The following PIEZO2 variants were observed in gnomAD, a reference collection of about 807,000 sequenced individuals.
PIEZO2 encodes the protein piezo type mechanosensitive ion channel component 2.
In PIEZO2, 172 loss-of-function variants were observed where a neutral mutation model predicts 337.3. The ratio of observed to expected loss-of-function variants is 0.51; its 90% CI spans 0.45 to 0.58. The LOEUF is 0.58. Ranked by LOEUF, PIEZO2 falls within the 20% of genes least tolerant of loss-of-function variation. The pLI is 0.00. For missense variants in PIEZO2, 3,028 were observed against 3,391.3 expected, an observed-to-expected ratio of 0.89 and a Z score of 2.66; for synonymous variants, 1,251 against 1,228.5, an observed-to-expected ratio of 1.02 and a Z score of -0.38.
Position 10,748,529 on chromosome 18 carries a change from T to C in PIEZO2, c.4366A>G (p.Ser1456Gly). Residue 1456 changes from serine (S) to glycine (G), a missense_variant, in exon 30 of 56, where the codon AGT becomes GGT. By Grantham distance (56) the Ser-to-Gly change is moderately conservative (BLOSUM62 0). Around this residue, in one of 5 missense-constraint regions of PIEZO2, gnomAD observed 1,925 missense variants for 2,051.9 expected, o/e 0.94. Coordinates refer to ENST00000674853, the MANE Select transcript of PIEZO2 (RefSeq NM_001378183.1). The surrounding 1 kb of genome is among the most constrained non-coding windows in gnomAD (Gnocchi z 5.1). ...FLLLQRRVFM[S>G]YYFLHVVADI... Reference sequence around the variant, plus strand: ...GCCACAACATGTAGAAAATAATAACTCATGAAAACTCTTCTTTGCAGCAGG... The same window carrying C: ...GCCACAACATGTAGAAAATAATAACCCATGAAAACTCTTCTTTGCAGCAGG... The C allele has an allele frequency of 1.3e-6, 2 of 1,536,540 alleles. No individual in the cohort carries two copies. The highest frequency in any genetic ancestry group is 1.7e-6 in the Non-Finnish European group (2 of 1,146,720).
intron 2 of PIEZO2, among the ~76,000 whole-genome samples, chr18:10,995,815 G>A (rs992055302): frequency 2.0e-5 from 3 of 152,044 alleles, no homozygotes; most frequent in Non-Finnish European, 4.4e-5. Flanking sequence ...TTCTCTGCTT[G>A]CCCTGGACTC....
At chr18:10,778,100 C>T (rs944757969) in intron 18 of PIEZO2, among the ~76,000 whole-genome samples, 2 of 152,142 alleles carry the variant, frequency 1.3e-5, no homozygotes, top group Non-Finnish European at 2.9e-5. Context: ...AGGTATGCCC[C>T]TCTTTCAGCC....
chr18:10,749,355 C>A (rs1046458925), intron 29 of PIEZO2, among the ~76,000 whole-genome samples: 2 of 152,060 alleles, frequency 1.3e-5, no homozygotes, highest in African/African-American at 2.4e-5. Context: ...CCCAGCTACT[C>A]AGGAGGCAGA....
chr18:10,750,150 T>C lies in PIEZO2; in HGVS notation c.4205A>G (p.Asn1402Ser). Reference sequence around the variant, plus strand: ...GAAAGCCTGGATCAACCAACAACTATTGTGCACCAATGTTCCAATGTATCC... The same window carrying C: ...GAAAGCCTGGATCAACCAACAACTACTGTGCACCAATGTTCCAATGTATCC... ...ACGYIGTLVH[N>S]SCWLIQAFSL... The change falls in exon 29 of 56, where the codon AAT becomes AGT. Residue 1402 changes from asparagine (N) to serine (S), a missense_variant. By Grantham distance (46) the Asn-to-Ser change is conservative (BLOSUM62 1). Around this residue, in one of 5 missense-constraint regions of PIEZO2, gnomAD observed 1,925 missense variants for 2,051.9 expected, o/e 0.94. Transcript: ENST00000674853. This position sits in a 1 kb window ranked among gnomAD's most constrained non-coding sequence, Gnocchi z 4.1. The C allele has an allele frequency of 6.5e-7, 1 of 1,537,178 alleles. No homozygotes were observed. The highest frequency in any genetic ancestry group is 8.7e-7 in the Non-Finnish European group (1 of 1,146,850).
At position 10,803,981 on chromosome 18, in the gene PIEZO2, C is replaced by T. The variant is rs2144299608; in HGVS notation, c.1094G>A (p.Gly365Glu). 1 of 1,537,366 alleles carries T rather than the reference C, an allele frequency of 6.5e-7. No individual in the cohort carries two copies. Among genetic ancestry groups the T allele is most frequent in the East Asian group, 2.4e-5 (1 of 40,922 alleles). The change falls in exon 9 of 56, where the codon GGG (glycine) becomes GAG (glutamate). Residue 365 changes from glycine (G) to glutamate (E), a missense_variant. This residue lies in a region of PIEZO2 where 542 missense variants were observed against 605.6 expected (regional missense o/e 0.89). Coordinates refer to ENST00000674853, the MANE Select transcript of PIEZO2 (RefSeq NM_001378183.1). Reference sequence around the variant, plus strand: ...CAGGGCTTTGTCCTCTTCTTTGGTCCCCTCATCCTGCACCTGAAACACAGA... The same window carrying T: ...CAGGGCTTTGTCCTCTTCTTTGGTCTCCTCATCCTGCACCTGAAACACAGA... The part of the protein sequence containing the change: ...WLQEPLVQDE[G>E]TKEEDKALAC...
rs186751623 is a variant in PIEZO2 at position 10,870,277 on chromosome 18, C to T, written c.492+976G>A. Among the ~76,000 whole-genome samples the T allele has an allele frequency of 6.6e-6, 1 of 152,190 alleles. No homozygotes were observed. Among genetic ancestry groups the T allele is most frequent in the East Asian group, 1.9e-4 (1 of 5,186 alleles). ...GGAAATTGTCTGCTTTCTTGTGAAC[C>T]ATATAAATCATTTTCCATAAGTGAG... On this transcript the variant is annotated intron_variant, in intron 5 of 55. Coordinates refer to ENST00000674853, the MANE Select transcript of PIEZO2 (RefSeq NM_001378183.1). The surrounding 1 kb of genome is among the most constrained non-coding windows in gnomAD (Gnocchi z 5.3).
chr18:10,846,422 A>G lies in PIEZO2; in HGVS notation c.917+8931T>C, dbSNP rs2041365382. 6.6e-6 allele frequency among the ~76,000 whole-genome samples: 1 copy of G among 152,380 alleles called. No individual in the cohort carries two copies. Among genetic ancestry groups the G allele is most frequent in the Non-Finnish European group, 1.5e-5 (1 of 68,038 alleles). On this transcript the variant is annotated intron_variant, in intron 7 of 55. Coordinates refer to ENST00000674853, the MANE Select transcript of PIEZO2 (RefSeq NM_001378183.1). The surrounding 1 kb of genome is among the most constrained non-coding windows in gnomAD (Gnocchi z 4.1). ...GGGGTCATAGCAAAACCTATCACTTAGAGTTCAAGAAAATCAAGTTTTACA... is the reference window on the plus strand; with the variant it reads ...GGGGTCATAGCAAAACCTATCACTTGGAGTTCAAGAAAATCAAGTTTTACA...
In PIEZO2 at chr18:10,693,515, G is replaced by A. The variant is rs144865265; in HGVS notation, c.7191-2132C>T. 2.9e-3 allele frequency among the ~76,000 whole-genome samples: 430 copies of A among 149,402 alleles called. 1 individual carries two copies. Among genetic ancestry groups the A allele is most frequent in the Non-Finnish European group, 4.7e-3 (319 of 67,398 alleles). On this transcript the variant is annotated intron_variant, in intron 47 of 55. Transcript: ENST00000674853. Reference sequence around the variant, plus strand: ...CTCCTGAGTAGCTGGGACTATAGGCGCGCGACACCACATAAGGCATTTTTT... The same window carrying A: ...CTCCTGAGTAGCTGGGACTATAGGCACGCGACACCACATAAGGCATTTTTT...
chr18:10,684,328 G>A (rs956066387), intron 49 of PIEZO2, among the ~76,000 whole-genome samples: 2 of 8,696 alleles, frequency 2.3e-4, no homozygotes, highest in Non-Finnish European at 1.1e-3. Context: ...ACCATGCCTG[G>A]CTAATTTTTT....
chr18:10,966,672 T>C (rs2034012078), intron 3 of PIEZO2, among the ~76,000 whole-genome samples: 1 of 152,156 alleles, frequency 6.6e-6, no homozygotes, highest in African/African-American at 2.4e-5. Context: ...TTTGGTTACA[T>C]GAATAAGTTC....
At chr18:10,709,475 G>A (rs2035728820) in intron 39 of PIEZO2, 1 of 152,296 alleles carries the variant, frequency 6.6e-6, no homozygotes, top group Non-Finnish European at 1.5e-5. Flanking sequence ...CCAGGGAACA[G>A]AAACAGATCT....
chr18:10,865,013 C>A (rs1216580228), intron 5 of PIEZO2, among the ~76,000 whole-genome samples: 1 of 152,096 alleles, frequency 6.6e-6, no homozygotes, highest in African/African-American at 2.4e-5. Flanking sequence ...ACAGCAGAGT[C>A]CAGAAGGACA....
At position 10,861,862 on chromosome 18, in the gene PIEZO2, A is replaced by C. The variant is rs2041882506; in HGVS notation, c.493-4651T>G. 6.6e-6 allele frequency among the ~76,000 whole-genome samples: 1 copy of C among 152,154 alleles called. No individual in the cohort carries two copies. Among genetic ancestry groups the C allele is most frequent in the Admixed American group, 6.5e-5 (1 of 15,282 alleles). On this transcript the variant is annotated intron_variant, in intron 5 of 55. Transcript: ENST00000674853. This position sits in a 1 kb window ranked among gnomAD's most constrained non-coding sequence, Gnocchi z 4.3. The stretch of plus-strand genomic sequence containing the variant: ...GTGAAACCTTGTCTGTACTAAAACT[A>C]CAAAAATTAGCTGGGCATGGTGGCG...
chr18:11,141,214 A>T (rs2040634747), intron 1 of PIEZO2, among the ~76,000 whole-genome samples: 1 of 152,182 alleles, frequency 6.6e-6, no homozygotes, highest in East Asian at 1.9e-4. Flanking sequence ...CCTTCTATCA[A>T]CTGGAGAAAA....
chr18:11,030,420 C>G (rs2036688564), intron 2 of PIEZO2, among the ~76,000 whole-genome samples: 1 of 152,146 alleles, frequency 6.6e-6, no homozygotes, highest in African/African-American at 2.4e-5. Context: ...GTAAGGGTCC[C>G]TAGTACTCCC....
intron 1 of PIEZO2, among the ~76,000 whole-genome samples, chr18:11,084,656 G>T (rs960658769): frequency 6.6e-6 from 1 of 152,058 alleles, no homozygotes; most frequent in East Asian, 1.9e-4. Flanking sequence ...GCTTTTGTTT[G>T]CTATTTTCTT....
At chr18:11,045,483 A>G (rs2037278654) in intron 2 of PIEZO2, among the ~76,000 whole-genome samples, 1 of 152,100 alleles carries the variant, frequency 6.6e-6, no homozygotes. Flanking sequence ...GCACTTCAGC[A>G]CCATGCATGG....
intron 4 of PIEZO2, among the ~76,000 whole-genome samples, chr18:10,898,425 A>C (rs1345008593): frequency 6.6e-6 from 1 of 152,174 alleles, no homozygotes; most frequent in Non-Finnish European, 1.5e-5. Flanking sequence ...CGTCTCAAAA[A>C]AAAAAAGGAA....
intron 36 of PIEZO2, among the ~76,000 whole-genome samples, chr18:10,721,221 G>A (rs1035675071): frequency 1.3e-5 from 2 of 152,176 alleles, no homozygotes; most frequent in African/African-American, 4.8e-5. Flanking sequence ...TTGCTCCTCT[G>A]TAGAGCAGGG....
Sources: allele counts gnomAD v4.1 joint callset (sites outside exome capture counted in the v4.1 genomes callset), GRCh38; gene constraint gnomAD v4.1.1; regional missense constraint gnomAD v4.1.1; non-coding constraint Gnocchi (gnomAD v3.1); transcripts MANE v1.5; gene names NCBI Gene and HGNC (gene_info 2026-07-23, HGNC 2026-07-21).